The following DROSHA variants were observed in gnomAD, a reference collection of about 807,000 sequenced individuals.
The protein encoded by DROSHA is drosha ribonuclease III, also known as ribonuclease 3.
Under a neutral mutation model 181.9 loss-of-function variants are expected in DROSHA, and 56 were observed. The ratio of observed to expected loss-of-function variants is 0.31; its 90% CI spans 0.25 to 0.38. DROSHA has a LOEUF of 0.38. Among genes scored for constraint, DROSHA ranks in the 10% least tolerant of loss-of-function variants. The pLI, the probability that DROSHA is intolerant of heterozygous loss-of-function variation, is 1.00. For missense variants in DROSHA, 1,218 were observed against 1,743.5 expected, an observed-to-expected ratio of 0.70 and a Z score of 5.37; for synonymous variants, 524 against 591.2, an observed-to-expected ratio of 0.89 and a Z score of 1.65.
intron 11 of DROSHA, 90 bp downstream of exon 11, chr5:31,504,465 T>C: frequency 7.4e-7 from 1 of 1,356,422 alleles, no homozygotes; most frequent in Non-Finnish European, 1.0e-6. Flanking sequence ...TTTGATGGTA[T>C]TATTTCATTT....
At chr5:31,437,811 C>T (rs1469135230) in intron 23 of DROSHA, among the ~76,000 whole-genome samples, 3 of 152,060 alleles carry the variant, frequency 2.0e-5, no homozygotes, top group African/African-American at 7.2e-5. Context: ...CTCATTGGGC[C>T]CTGCTCCAAA....
At chr5:31,528,923 G>A (rs1740902441) in intron 4 of DROSHA, 117 bp downstream of exon 4, 2 of 1,359,122 alleles carry the variant, frequency 1.5e-6, no homozygotes, top group Non-Finnish European at 2.0e-6. Flanking sequence ...GAAAGAATGA[G>A]CACATTATCC....
chr5:31,525,434 G>A (rs1386704058), intron 5 of DROSHA, among the ~76,000 whole-genome samples: 17 of 149,340 alleles, frequency 1.1e-4, no homozygotes, highest in African/African-American at 3.5e-4. Context: ...AACCCAGGAG[G>A]TGGAGGTTGC....
chr5:31,428,647 TA>T (rs1461823187), intron 27 of DROSHA, among the ~76,000 whole-genome samples: 1 of 152,150 alleles, frequency 6.6e-6, no homozygotes, highest in Admixed American at 6.5e-5. Flanking sequence ...GATCCTTTTT[TA>T]AAAAAACTAC....
At chr5:31,519,763 G>A (rs1739676689) in intron 6 of DROSHA, among the ~76,000 whole-genome samples, 1 of 152,090 alleles carries the variant, frequency 6.6e-6, no homozygotes, top group South Asian at 2.1e-4. Context: ...TATGGATGCT[G>A]ATTTTAGTTT....
chr5:31,447,836 T>TAAAAAAGACAG (rs887851427), intron 23 of DROSHA, among the ~76,000 whole-genome samples: 4 of 152,058 alleles, frequency 2.6e-5, no homozygotes, highest in Admixed American at 2.0e-4. Context: ...AGGGCTAGAA[T>TAAAAAAGACAG]AAAAAAGACA....
intron 5 of DROSHA, among the ~76,000 whole-genome samples, chr5:31,521,810 T>A (rs1291968492): frequency 6.6e-6 from 1 of 151,832 alleles, no homozygotes; most frequent in Non-Finnish European, 1.5e-5. Context: ...TAAAAAAAAA[T>A]AGATGAGGAA....
intron 16 of DROSHA, among the ~76,000 whole-genome samples, chr5:31,481,466 G>A (rs997156707): frequency 1.4e-4 from 21 of 152,154 alleles, no homozygotes; most frequent in Non-Finnish European, 3.1e-4. Flanking sequence ...CAGGAAAGTA[G>A]ATATAGAAAG....
At chr5:31,451,415 T>C in intron 21 of DROSHA, 118 bp downstream of exon 21, 1 of 838,548 alleles carries the variant, frequency 1.2e-6, no homozygotes, top group South Asian at 1.8e-5. Flanking sequence ...GAGAGAACTA[T>C]GTTTCTAACA....
At chr5:31,445,925 G>A (rs952894585) in intron 23 of DROSHA, among the ~76,000 whole-genome samples, 1 of 152,062 alleles carries the variant, frequency 6.6e-6, no homozygotes, top group African/African-American at 2.4e-5. Flanking sequence ...CTCTAGCTAG[G>A]GGAACTAAGT....
chr5:31,526,878 G>A lies in DROSHA; in HGVS notation c.55C>T (p.Pro19Ser), dbSNP rs1740654906. The A allele has an allele frequency of 2.5e-6, 4 of 1,613,060 alleles. No individual in the cohort carries two copies. The highest frequency in any genetic ancestry group is 1.3e-5 in the African/African-American group (1 of 74,856). Residue 19 changes from proline to serine, a missense_variant, in exon 5 of 36, where the codon CCC (proline) becomes TCC (serine). Pro to Ser is a moderately conservative substitution (Grantham distance 74). Transcript: ENST00000344624. ...GCTCCATGTCCTCCTCGTCCTCGGG[G>A]ACACCCTCGTCCCGGGTGGAACGAC... ...RMSFHPGRGC[P>S]RGRGGHGARP...
intron 29 of DROSHA, 70 bp downstream of exon 29, chr5:31,422,717 A>T: frequency 6.4e-7 from 1 of 1,561,096 alleles, no homozygotes; most frequent in Non-Finnish European, 8.7e-7. Flanking sequence ...TTCGAAGGGC[A>T]TGCTCCAAAG....
At chr5:31,510,692 G>C (rs1340241520) in intron 9 of DROSHA, among the ~76,000 whole-genome samples, 1 of 152,220 alleles carries the variant, frequency 6.6e-6, no homozygotes, top group East Asian at 1.9e-4. Context: ...ACCTGGCAAA[G>C]GAGAGGGCCA....
In DROSHA at chr5:31,431,649, A is replaced by G. The variant is rs1258362352; in HGVS notation, c.3072T>C (p.Tyr1024=). The change falls in exon 26 of 36, where the codon TAT becomes TAC. Residue 1024 remains tyrosine, a synonymous_variant. Coordinates refer to ENST00000344624, the MANE Select transcript of DROSHA (RefSeq NM_001382508.1). ...KKLELDRFML[Y]AHGPDLCRES... ...CTCTACAAAGGTCAGGCCCGTGAGCATACAGCATAAATCGATCCAGTTCAA... is the reference window on the plus strand; with the variant it reads ...CTCTACAAAGGTCAGGCCCGTGAGCGTACAGCATAAATCGATCCAGTTCAA... 5 of 1,614,008 alleles carry G rather than the reference A, an allele frequency of 3.1e-6. No homozygotes were observed. In the African/African-American group the frequency reaches 4.0e-5, roughly 13 times the overall value.
intron 10 of DROSHA, among the ~76,000 whole-genome samples, chr5:31,506,131 C>T (rs989734332): frequency 3.3e-5 from 5 of 152,158 alleles, no homozygotes; most frequent in Admixed American, 1.3e-4. Flanking sequence ...GATGCTGAGG[C>T]GGACGGATCA....
chr5:31,508,210 G>A (rs1239289783), intron 10 of DROSHA, among the ~76,000 whole-genome samples: 1 of 152,026 alleles, frequency 6.6e-6, no homozygotes, highest in African/African-American at 2.4e-5. Flanking sequence ...GCTTAACAAG[G>A]AAGAGAACTT....
intron 12 of DROSHA, among the ~76,000 whole-genome samples, chr5:31,493,940 T>TGTGC (rs1276693317): frequency 2.6e-5 from 1 of 38,062 alleles, no homozygotes; most frequent in Non-Finnish European, 1.2e-4. Context: ...CCCACCATTG[T>TGTGC]GTGTGTGTGT....
In DROSHA at chr5:31,409,526, G is replaced by A; in HGVS notation, c.3668-194C>T. The A allele has an allele frequency of 3.5e-6, 2 of 573,830 alleles. No individual in the cohort carries two copies. Among genetic ancestry groups the A allele is most frequent in the Non-Finnish European group, 6.3e-6 (2 of 319,622 alleles). The allele number at this position is 573,830 out of a possible 1,614,324, so 35.5% of individuals were successfully genotyped here. On this transcript the variant is annotated intron_variant, in intron 31 of 35. Coordinates refer to ENST00000344624, the MANE Select transcript of DROSHA (RefSeq NM_001382508.1). This position sits in a 1 kb window ranked among gnomAD's most constrained non-coding sequence, Gnocchi z 4.0. ...AGAAGCAGCAAGAGATGTGTAAGAT[G>A]CAAATCATAGAGTACAAACACCAAA...
intron 10 of DROSHA, 82 bp downstream of exon 10, chr5:31,508,539 C>T (rs1738266668): frequency 4.4e-6 from 7 of 1,582,420 alleles, no homozygotes; most frequent in Non-Finnish European, 5.2e-6. Context: ...CAATACTAGG[C>T]AACATGTATC....
Sources: allele counts gnomAD v4.1 joint callset (sites outside exome capture counted in the v4.1 genomes callset), GRCh38; gene constraint gnomAD v4.1.1; non-coding constraint Gnocchi (gnomAD v3.1); transcripts MANE v1.5; gene names NCBI Gene and HGNC (gene_info 2026-07-23, HGNC 2026-07-21).